The following EXOC6 variants were observed in gnomAD, a reference collection of about 807,000 sequenced individuals.
The protein encoded by EXOC6 is SEC15-like 1.
EXOC6 carries 60 observed loss-of-function variants against 112.5 expected under a neutral mutation model. The observed-to-expected ratio is 0.53, with a 90% CI of 0.43 to 0.66. The LOEUF (loss-of-function observed/expected upper bound fraction) is 0.66. Ranked by LOEUF, EXOC6 falls within the 30% of genes least tolerant of loss-of-function variation. The pLI, the probability that EXOC6 is intolerant of heterozygous loss-of-function variation, is 0.00. For synonymous variants in EXOC6, 295 were observed against 308.0 expected, an observed-to-expected ratio of 0.96 and a Z score of 0.44; for missense variants, 855 against 957.1, an observed-to-expected ratio of 0.89 and a Z score of 1.41.
At chr10:92,896,186 T>A (rs1285157773) in intron 4 of EXOC6, among the ~76,000 whole-genome samples, 4 of 9,224 alleles carry the variant, frequency 4.3e-4, no homozygotes, top group African/African-American at 2.6e-3. Flanking sequence ...TATATATTTT[T>A]TTTTTTTTTT....
intron 18 of EXOC6, among the ~76,000 whole-genome samples, chr10:92,989,863 A>C (rs1843160491): frequency 6.6e-6 from 1 of 152,212 alleles, no homozygotes; most frequent in South Asian, 2.1e-4. Context: ...AAAGTTTGGC[A>C]CTTGAATATC....
At chr10:92,999,053 G>C (rs1843629175) in intron 19 of EXOC6, among the ~76,000 whole-genome samples, 1 of 151,974 alleles carries the variant, frequency 6.6e-6, no homozygotes, top group Non-Finnish European at 1.5e-5. Context: ...TGTATTTTTA[G>C]TAGAGACGGG....
At chr10:92,858,111 A>C (rs1431810234) in intron 1 of EXOC6, among the ~76,000 whole-genome samples, 1 of 146,144 alleles carries the variant, frequency 6.8e-6, no homozygotes, top group Non-Finnish European at 1.5e-5. Context: ...TGTTAATCTT[A>C]TTGGAATTCC....
intron 13 of EXOC6, among the ~76,000 whole-genome samples, chr10:92,942,003 TTAAAA>T (rs1181719663): frequency 6.6e-6 from 1 of 152,192 alleles, no homozygotes; most frequent in Non-Finnish European, 1.5e-5. Flanking sequence ...TTTGATGATA[TTAAAA>T]TAAAAGTACG....
chr10:93,056,696 A>G (rs1232796492), intron 20 of EXOC6, among the ~76,000 whole-genome samples: 1 of 152,206 alleles, frequency 6.6e-6, no homozygotes, highest in Admixed American at 6.5e-5. Context: ...ATTTGAAAAC[A>G]TGAAGTATTT....
At chr10:93,017,737 C>T (rs1040242893) in intron 20 of EXOC6, among the ~76,000 whole-genome samples, 13 of 152,130 alleles carry the variant, frequency 8.5e-5, no homozygotes, top group South Asian at 2.1e-4. Context: ...AAAGGCTGGG[C>T]GTGGTGGCTC....
Position 93,011,615 on chromosome 10 carries a change from T to C in EXOC6, c.2096-2579T>C, listed in dbSNP as rs982911717. On this transcript the variant is annotated intron_variant, in intron 19 of 21. Transcript: ENST00000260762. ...ACACCTTTAATTTAAACACCTTTTA[T>C]GATTATAATATAAAAGGCCAACATA... 4.6e-5 allele frequency among the ~76,000 whole-genome samples: 7 copies of C among 152,146 alleles called. No individual in the cohort carries two copies. In the East Asian group the frequency reaches 1.2e-3, roughly 25 times the overall value.
intron 1 of EXOC6, among the ~76,000 whole-genome samples, chr10:92,883,409 CTT>C (rs1316956585): frequency 1.3e-4 from 19 of 151,964 alleles, no homozygotes; most frequent in Non-Finnish European, 2.9e-5. Context: ...GGTTAATTGT[CTT>C]ATATATTTAA....
At chr10:92,906,150 A>G (rs1420506873) in intron 5 of EXOC6, among the ~76,000 whole-genome samples, 1 of 152,160 alleles carries the variant, frequency 6.6e-6, no homozygotes, top group Non-Finnish European at 1.5e-5. Flanking sequence ...AAATTAATAT[A>G]GCTGATCTAC....
rs1316848918 is a variant in EXOC6, at chr10:92,900,026, GT to G, written c.458+386del. ...GGGTGAATGTAGTAGTTCACATTCT[GT>G]TTTATAACTCAAATGCATATATGAC... On this transcript the variant is annotated intron_variant, in intron 5 of 21. Transcript: ENST00000260762. 13 of 168,898 alleles carry G rather than the reference GT, an allele frequency of 7.7e-5. 1 individual carries two copies. The highest frequency in any genetic ancestry group is 1.6e-4 in the Non-Finnish European group (13 of 79,398). The allele number at this position is 168,898 out of a possible 1,614,324, so 10.5% of individuals were successfully genotyped here. A position where few individuals can be genotyped will look rare whatever the true frequency, so the allele number is the denominator to read the frequency against.
intron 5 of EXOC6, among the ~76,000 whole-genome samples, chr10:92,904,050 A>G (rs1214721623): frequency 6.6e-6 from 1 of 151,866 alleles, no homozygotes; most frequent in Non-Finnish European, 1.5e-5. Flanking sequence ...TTGAAATAAT[A>G]CAGTATATAT....
chr10:92,841,421 T>C (rs1207470630), intron 1 of EXOC6, among the ~76,000 whole-genome samples: 2 of 152,332 alleles, frequency 1.3e-5, no homozygotes, highest in African/African-American at 4.8e-5. Context: ...CTAATGCTTA[T>C]ATTTTATACT....
chr10:92,975,930 C>T (rs1379596552), intron 18 of EXOC6, among the ~76,000 whole-genome samples: 4 of 138,550 alleles, frequency 2.9e-5, no homozygotes, highest in South Asian at 2.3e-4. Context: ...GGGGGGTCAG[C>T]CCCCCGCCCG....
At chr10:92,926,970 A>G (rs752555947) in intron 8 of EXOC6, among the ~76,000 whole-genome samples, 8 of 152,168 alleles carry the variant, frequency 5.3e-5, no homozygotes, top group Non-Finnish European at 1.2e-4. Context: ...ATTAGTTACC[A>G]TATTAAAACT....
At chr10:93,056,541 C>T (rs761366798) in intron 20 of EXOC6, among the ~76,000 whole-genome samples, 4 of 152,126 alleles carry the variant, frequency 2.6e-5, no homozygotes, top group Non-Finnish European at 5.9e-5. Context: ...AATTTAAGTT[C>T]TTTAAAATTC....
chr10:92,912,158 C>A (rs890674760), intron 6 of EXOC6, among the ~76,000 whole-genome samples: 1 of 151,570 alleles, frequency 6.6e-6, no homozygotes, highest in Non-Finnish European at 1.5e-5. Context: ...ATCCCTTTTA[C>A]GGATGGATGG....
chr10:92,922,477 T>C (rs148672380), intron 8 of EXOC6, among the ~76,000 whole-genome samples: 1 of 152,286 alleles, frequency 6.6e-6, no homozygotes, highest in Non-Finnish European at 1.5e-5. Flanking sequence ...TTAAAGGGGT[T>C]ATTATAAAAG....
chr10:93,017,269 G>T (rs965881900), intron 20 of EXOC6, among the ~76,000 whole-genome samples: 5 of 152,058 alleles, frequency 3.3e-5, no homozygotes, highest in Admixed American at 1.3e-4. Context: ...AAAAGGGGGA[G>T]GGTGGGAGAA....
intron 1 of EXOC6, among the ~76,000 whole-genome samples, chr10:92,874,716 A>G (rs938109643): frequency 6.6e-6 from 1 of 152,202 alleles, no homozygotes; most frequent in African/African-American, 2.4e-5. Context: ...ATTTTATAAA[A>G]ATCTTAGGGC....
Sources: gnomAD v4.1 joint callset for allele counts (sites outside exome capture counted in the v4.1 genomes callset) on GRCh38, gnomAD v4.1.1 for gene constraint, MANE v1.5 for transcripts, NCBI Gene and HGNC (gene_info 2026-07-23, HGNC 2026-07-21) for gene names.